The following IL23R variants were observed in gnomAD, a reference collection of about 807,000 sequenced individuals.
IL23R encodes the protein interleukin-23 receptor.
IL23R carries 34 observed loss-of-function variants against 56.9 expected under a neutral mutation model. That is an observed-to-expected ratio of 0.60 (90% CI 0.45 to 0.80). The LOEUF (loss-of-function observed/expected upper bound fraction) is 0.80. IL23R is among the 30% of genes least tolerant of loss of function. The probability of loss-of-function intolerance (pLI) is 0.00; values close to 1 mark genes in which losing one functional copy is unlikely to be tolerated. For synonymous variants in IL23R, 230 were observed against 249.2 expected (o/e 0.92, Z 0.73); for missense variants, 635 against 730.0 (o/e 0.87, Z 1.50).
chr1:67,229,321 C>G (rs370221280), intron 7 of IL23R, among the ~76,000 whole-genome samples: 1 of 152,130 alleles, frequency 6.6e-6, no homozygotes. Flanking sequence ...ACAAAGGATA[C>G]AGTCGAACAG....
intron 4 of IL23R, among the ~76,000 whole-genome samples, chr1:67,195,401 A>T (rs538284102): frequency 6.6e-6 from 1 of 151,984 alleles, no homozygotes; most frequent in Non-Finnish European, 1.5e-5. Context: ...GAAGCCATCT[A>T]CTCTGTTTCT....
intron 1 of IL23R, among the ~76,000 whole-genome samples, chr1:67,140,182 AAGAT>A (rs1172231804): frequency 1.3e-5 from 2 of 152,244 alleles, no homozygotes; most frequent in African/African-American, 4.8e-5. Context: ...AAAATGGACT[AAGAT>A]AGCATCTTGC....
Position 67,168,114 on chromosome 1 carries a change from T to G in IL23R, c.-7T>G, listed in dbSNP as rs777321366. The G allele has an allele frequency of 6.2e-7, 1 of 1,601,032 alleles. No homozygotes were observed. The highest frequency in any genetic ancestry group is 8.6e-7 in the Non-Finnish European group (1 of 1,168,418). ...CAGAGGGAAACAGTCTTTTCCTGCT[T>G]CCAGACATGAATCAGGTCACTATTC... On this transcript the variant is annotated 5_prime_UTR_variant, in exon 2 of 11. Coordinates refer to ENST00000347310, the MANE Select transcript of IL23R (RefSeq NM_144701.3).
chr1:67,199,069 A>G (rs1278037499), intron 4 of IL23R, among the ~76,000 whole-genome samples: 1 of 152,138 alleles, frequency 6.6e-6, no homozygotes, highest in Non-Finnish European at 1.5e-5. Context: ...AATCCTCCGT[A>G]AAGGTGCTAG....
At chr1:67,175,535 T>C (rs1646996837) in intron 3 of IL23R, among the ~76,000 whole-genome samples, 1 of 152,186 alleles carries the variant, frequency 6.6e-6, no homozygotes, top group Non-Finnish European at 1.5e-5. Context: ...GCCATTCTAC[T>C]TTCTACAAGT....
chr1:67,184,167 A>T (rs1052463556), intron 4 of IL23R, among the ~76,000 whole-genome samples: 7 of 152,132 alleles, frequency 4.6e-5, no homozygotes, highest in African/African-American at 1.7e-4. Flanking sequence ...CCCAGGAGGC[A>T]GAGGTTGCAG....
At chr1:67,197,938 A>AAAAAG (rs148930191) in intron 4 of IL23R, among the ~76,000 whole-genome samples, 2,078 of 73,294 alleles carry the variant, frequency 0.028, 28 homozygotes, top group South Asian at 0.074. Context: ...CCTGTCATTA[A>AAAAAG]AAAAGAAAAG....
At position 67,258,522 on chromosome 1, in the gene IL23R, A is replaced by G; in HGVS notation, c.1284A>G (p.Leu428=). 3.1e-6 allele frequency: 5 copies of G among 1,606,842 alleles called. No individual in the cohort carries two copies. The highest frequency in any genetic ancestry group is 1.1e-5 in the South Asian group (1 of 89,762). Residue 428 remains leucine (L), a synonymous_variant, in exon 11 of 11, where the codon CTA becomes CTG. Coordinates refer to ENST00000347310, the MANE Select transcript of IL23R (RefSeq NM_144701.3). ...ATAATAATTCCAGTGAGCAGGTCCT[A>G]TATGTTGATCCCATGATTACAGAGA... ...LMNNNSSEQV[L]YVDPMITEIK...
chr1:67,235,762 C>T (rs1401110906), intron 7 of IL23R, among the ~76,000 whole-genome samples: 1 of 152,140 alleles, frequency 6.6e-6, no homozygotes, highest in East Asian at 1.9e-4. Context: ...GGACACTTTT[C>T]TCAAAGACAG....
intron 2 of IL23R, 33 bp from the exon 3 acceptor site, chr1:67,169,308 AC>A (rs11465778): frequency 0.043 from 62,823 of 1,456,194 alleles, 1,684 homozygotes; most frequent in Admixed American, 0.11. Context: ...TTAATGTTTT[AC>A]GTGTAATTTA....
chr1:67,223,226 C>G (rs576938705), intron 7 of IL23R, among the ~76,000 whole-genome samples: 19 of 151,996 alleles, frequency 1.3e-4, no homozygotes, highest in African/African-American at 4.1e-4. Flanking sequence ...TGCACTCCAG[C>G]CTGGGTGACA....
intron 6 of IL23R, among the ~76,000 whole-genome samples, chr1:67,212,120 A>G (rs1267927120): frequency 6.6e-6 from 1 of 152,058 alleles, no homozygotes; most frequent in Non-Finnish European, 1.5e-5. Flanking sequence ...CTCCTCCACC[A>G]TTATTTTTTT....
upstream of IL23R, among the ~76,000 whole-genome samples, chr1:67,162,535 T>C (rs957080620): frequency 3.9e-5 from 6 of 152,214 alleles, no homozygotes; most frequent in African/African-American, 1.4e-4. Context: ...ATTCCTTCGA[T>C]ATCCTAGATT....
At chr1:67,263,132 T>TTTA (rs149532441), downstream of IL23R, among the ~76,000 whole-genome samples, 13,942 of 139,474 alleles carry the variant, frequency 0.1, 1,218 homozygotes, top group African/African-American at 0.21. Flanking sequence ...TTTTTTTTTT[T>TTTA]AACAGGTCAC....
At chr1:67,189,680 C>T (rs1317297593) in intron 4 of IL23R, among the ~76,000 whole-genome samples, 1 of 152,180 alleles carries the variant, frequency 6.6e-6, no homozygotes, top group Non-Finnish European at 1.5e-5. Flanking sequence ...CGCAGTGGCT[C>T]ATGCCTGTAA....
chr1:67,246,368 T>C (rs1652223194), intron 9 of IL23R, among the ~76,000 whole-genome samples: 1 of 152,178 alleles, frequency 6.6e-6, no homozygotes, highest in South Asian at 2.1e-4. Flanking sequence ...TGAATTTGTT[T>C]GCTCTTGCTT....
intron 7 of IL23R, among the ~76,000 whole-genome samples, chr1:67,236,205 T>C (rs1651461366): frequency 6.6e-6 from 1 of 152,180 alleles, no homozygotes; most frequent in African/African-American, 2.4e-5. Context: ...CCCACCCAGG[T>C]GTTACAACAC....
chr1:67,250,252 T>C (rs1448487683), intron 9 of IL23R, among the ~76,000 whole-genome samples: 1 of 152,200 alleles, frequency 6.6e-6, no homozygotes, highest in Non-Finnish European at 1.5e-5. Context: ...TTTCCTTTCA[T>C]GTATCCTTTC....
chr1:67,223,272 A>C (rs1008791815), intron 7 of IL23R, among the ~76,000 whole-genome samples: 2 of 152,088 alleles, frequency 1.3e-5, no homozygotes, highest in African/African-American at 4.8e-5. Flanking sequence ...TAAATAAATA[A>C]AGTAAAATAA....
Sources: gnomAD v4.1 joint callset for allele counts (sites outside exome capture counted in the v4.1 genomes callset) on GRCh38, gnomAD v4.1.1 for gene constraint, MANE v1.5 for transcripts, NCBI Gene and HGNC (gene_info 2026-07-23, HGNC 2026-07-21) for gene names.